Variants in MAML2 observed in about 807,000 individuals in gnomAD.
MAML2 encodes the protein mastermind like transcriptional coactivator 2.
Under a neutral mutation model 96.1 loss-of-function variants are expected in MAML2, and 22 were observed. That is an observed-to-expected ratio of 0.23 (90% CI 0.16 to 0.33). The LOEUF is 0.33. Ranked by LOEUF, MAML2 falls within the 10% of genes least tolerant of loss-of-function variation. MAML2 has a pLI of 1.00. For synonymous variants in MAML2, 561 were observed against 521.3 expected (o/e 1.08, Z -1.04); for missense variants, 1,367 against 1,392.4 (o/e 0.98, Z 0.29).
At chr11:96,245,954 C>T (rs1485853907) in intron 1 of MAML2, among the ~76,000 whole-genome samples, 4 of 152,038 alleles carry the variant, frequency 2.6e-5, no homozygotes, top group Non-Finnish European at 2.9e-5. Context: ...CTGCCCCCCT[C>T]GACCTCCCAA....
chr11:95,988,113 A>ATGTGTGTGTGTGTG (rs141507951), intron 3 of MAML2, among the ~76,000 whole-genome samples: 44 of 145,380 alleles, frequency 3.0e-4, no homozygotes, highest in African/African-American at 1.1e-3. Context: ...TGAAGACAGG[A>ATGTGTGTGTGTGTG]TGTGTGTGTG....
intron 1 of MAML2, among the ~76,000 whole-genome samples, chr11:96,239,700 A>G (rs1862407492): frequency 6.6e-6 from 1 of 152,088 alleles, no homozygotes; most frequent in Non-Finnish European, 1.5e-5. Flanking sequence ...AGTCTATTGT[A>G]TCATTAGGAC....
intron 2 of MAML2, among the ~76,000 whole-genome samples, chr11:96,023,935 AT>A: frequency 6.6e-6 from 1 of 152,348 alleles, no homozygotes; most frequent in Middle Eastern, 3.4e-3. Flanking sequence ...TTAAAAATGG[AT>A]AAGTCTCCTG....
chr11:96,223,543 CTTTT>C (rs917721286), intron 1 of MAML2, among the ~76,000 whole-genome samples: 1 of 149,710 alleles, frequency 6.7e-6, no homozygotes, highest in Non-Finnish European at 1.5e-5. Flanking sequence ...CAGGTATTTT[CTTTT>C]TTTTTCTTTT....
At chr11:96,267,459 A>AAAAAC (rs1862845474) in intron 1 of MAML2, among the ~76,000 whole-genome samples, 1 of 152,256 alleles carries the variant, frequency 6.6e-6, no homozygotes, top group African/African-American at 2.4e-5. Flanking sequence ...AAACAAAAAC[A>AAAAAC]AAAACAAAAT....
At chr11:96,211,600 G>C (rs142897496) in intron 1 of MAML2, among the ~76,000 whole-genome samples, 205 of 152,282 alleles carry the variant, frequency 1.3e-3, no homozygotes, top group Non-Finnish European at 2.1e-3. Flanking sequence ...GGGAAGATCA[G>C]AGGTATGGGG....
intron 1 of MAML2, among the ~76,000 whole-genome samples, chr11:96,268,761 C>CTAAAATTG (rs1491459857): frequency 3.7e-4 from 54 of 146,180 alleles, no homozygotes; most frequent in Admixed American, 6.4e-4. Context: ...AAGGGGAGTT[C>CTAAAATTG]CCCTGCACAC....
At chr11:96,291,152 T>G (rs111285623) in intron 1 of MAML2, among the ~76,000 whole-genome samples, 1,935 of 133,724 alleles carry the variant, frequency 0.014, 62 homozygotes, top group African/African-American at 0.052. Context: ...TGAGATGTAG[T>G]TTCACTGTTG....
intron 1 of MAML2, among the ~76,000 whole-genome samples, chr11:96,208,057 A>G (rs16923275): frequency 0.013 from 2,043 of 152,298 alleles, 53 homozygotes; most frequent in African/African-American, 0.047. Context: ...TCTTAGCAAC[A>G]GGCCACATTT....
chr11:96,246,024 A>T (rs1389583182), intron 1 of MAML2, among the ~76,000 whole-genome samples: 1 of 150,910 alleles, frequency 6.6e-6, no homozygotes, highest in Non-Finnish European at 1.5e-5. Flanking sequence ...TATATTTCAC[A>T]TTCAACAAAA....
chr11:96,220,300 T>A (rs1391075782), intron 1 of MAML2, among the ~76,000 whole-genome samples: 1 of 152,140 alleles, frequency 6.6e-6, no homozygotes, highest in Non-Finnish European at 1.5e-5. Flanking sequence ...CCTTTAAACC[T>A]GCAGATTTAA....
intron 1 of MAML2, among the ~76,000 whole-genome samples, chr11:96,208,609 G>A (rs1861926202): frequency 6.6e-6 from 1 of 152,168 alleles, no homozygotes; most frequent in Non-Finnish European, 1.5e-5. Context: ...TGAATTTTGA[G>A]TTTGTTAACT....
At chr11:96,288,271 A>G (rs866222664) in intron 1 of MAML2, among the ~76,000 whole-genome samples, 1 of 152,212 alleles carries the variant, frequency 6.6e-6, no homozygotes, top group Non-Finnish European at 1.5e-5. Context: ...ATTGGCTACT[A>G]TCTAGAACAA....
intron 1 of MAML2, among the ~76,000 whole-genome samples, chr11:96,161,508 C>G (rs969812882): frequency 6.6e-6 from 1 of 152,154 alleles, no homozygotes; most frequent in Admixed American, 6.5e-5. Context: ...TGTTAAGAGA[C>G]TGGCAGGGAG....
intron 1 of MAML2, among the ~76,000 whole-genome samples, chr11:96,205,135 T>G (rs1370565137): frequency 6.6e-6 from 1 of 152,228 alleles, no homozygotes; most frequent in Admixed American, 6.5e-5. Context: ...AACCATATGG[T>G]TGCCACATAA....
At chr11:96,310,562 A>G (rs1275612936) in intron 1 of MAML2, among the ~76,000 whole-genome samples, 1 of 152,222 alleles carries the variant, frequency 6.6e-6, no homozygotes, top group Non-Finnish European at 1.5e-5. Context: ...TCTAATTCAC[A>G]TATTATTAAA....
chr11:96,336,500 C>T (rs571433564), intron 1 of MAML2, among the ~76,000 whole-genome samples: 16 of 152,224 alleles, frequency 1.1e-4, no homozygotes, highest in Middle Eastern at 3.4e-3. Flanking sequence ...TGGAGTGTGA[C>T]GGAAATTAGC....
At chr11:96,084,381 G>A (rs965131919) in intron 2 of MAML2, among the ~76,000 whole-genome samples, 1 of 152,158 alleles carries the variant, frequency 6.6e-6, no homozygotes, top group Non-Finnish European at 1.5e-5. Flanking sequence ...GAAGGAGGCA[G>A]GCCAGTTAGC....
At chr11:96,084,512 G>T (rs937342173) in intron 2 of MAML2, among the ~76,000 whole-genome samples, 1 of 152,168 alleles carries the variant, frequency 6.6e-6, no homozygotes, top group African/African-American at 2.4e-5. Flanking sequence ...TTAGCCTCAT[G>T]CCTCTTCCCA....
Sources: gnomAD v4.1 joint callset for allele counts (sites outside exome capture counted in the v4.1 genomes callset) on GRCh38, gnomAD v4.1.1 for gene constraint, MANE v1.5 for transcripts, NCBI Gene and HGNC (gene_info 2026-07-23, HGNC 2026-07-21) for gene names.